The following JAK1 variants were observed in gnomAD, a reference collection of about 807,000 sequenced individuals.
JAK1 encodes the protein Janus kinase 1, also known as tyrosine-protein kinase JAK1.
Under a neutral mutation model 136.6 loss-of-function variants are expected in JAK1, and 16 were observed. The ratio of observed to expected loss-of-function variants is 0.12; its 90% CI spans 0.08 to 0.18. The LOEUF (loss-of-function observed/expected upper bound fraction) is 0.18, where lower values mean the gene tolerates loss of function less well. Among genes scored for constraint, JAK1 ranks in the 10% least tolerant of loss-of-function variants. JAK1 has a pLI of 1.00. For synonymous variants in JAK1, 492 were observed against 519.5 expected (o/e 0.95, Z 0.72); for missense variants, 859 against 1,450.1 (o/e 0.59, Z 6.62).
chr1:64,944,646 G>T (rs1232594856), intron 1 of JAK1, among the ~76,000 whole-genome samples: 2 of 151,942 alleles, frequency 1.3e-5, no homozygotes, highest in Non-Finnish European at 2.9e-5. Context: ...GGGGGCAGGG[G>T]TATATCACTA....
rs560281905 is a variant in JAK1, at chr1:64,910,338, C to CA, written c.-77-23998dup. On this transcript the variant is annotated intron_variant, in intron 1 of 24. Transcript: ENST00000342505. ...ATTTGGCTTTGAGTTTCCTAGGGGT[C>CA]AAAAAAAAAGCAGGGGAGAAACATG... Among the ~76,000 whole-genome samples the CA allele has an allele frequency of 8.6e-4, 127 of 147,842 alleles. No homozygotes were observed. The Middle Eastern group carries it at 0.038, about 44-fold the overall frequency.
intron 2 of JAK1, among the ~76,000 whole-genome samples, chr1:65,008,405 T>A (rs1646820824): frequency 6.6e-6 from 1 of 152,202 alleles, no homozygotes; most frequent in Admixed American, 6.5e-5. Flanking sequence ...AATTCCTGAA[T>A]GTCAAACTAA....
chr1:65,029,865 G>A (rs1281067785), intron 2 of JAK1, among the ~76,000 whole-genome samples: 1 of 152,012 alleles, frequency 6.6e-6, no homozygotes, highest in East Asian at 1.9e-4. Context: ...TTAAGAGTGT[G>A]TAATGAAATA....
chr1:64,970,412 G>A (rs1316439749), upstream of JAK1, among the ~76,000 whole-genome samples: 3 of 151,842 alleles, frequency 2.0e-5, no homozygotes, highest in African/African-American at 7.3e-5. Context: ...CTGCACTCCA[G>A]CCTGGGCAAC....
intron 4 of JAK1, among the ~76,000 whole-genome samples, chr1:64,876,788 G>A (rs9662231): frequency 1.3e-4 from 20 of 152,002 alleles, no homozygotes; most frequent in African/African-American, 2.9e-4. Context: ...TCAAAATGAC[G>A]TGGAGGAACA....
chr1:64,843,660 T>C (rs1402320769), intron 17 of JAK1, among the ~76,000 whole-genome samples: 2 of 152,214 alleles, frequency 1.3e-5, no homozygotes. Context: ...TCTTATTTTA[T>C]AGTGAACCTC....
intron 1 of JAK1, among the ~76,000 whole-genome samples, chr1:64,941,100 G>A (rs918523714): frequency 6.6e-6 from 1 of 152,210 alleles, no homozygotes; most frequent in African/African-American, 2.4e-5. Context: ...CAAGGCAGGG[G>A]TTGCAGTGAG....
chr1:64,847,130 A>G (rs10789166), intron 13 of JAK1, among the ~76,000 whole-genome samples: 33,576 of 152,146 alleles, frequency 0.22, 4,459 homozygotes, highest in African/African-American at 0.37. Flanking sequence ...TGACTGTGTC[A>G]CTCTAATAGT....
chr1:64,935,955 G>A (rs1557705832), intron 1 of JAK1, among the ~76,000 whole-genome samples: 1 of 152,062 alleles, frequency 6.6e-6, no homozygotes, highest in Non-Finnish European at 1.5e-5. Flanking sequence ...CAACACCTAG[G>A]ACAGCTGCCC....
intron 2 of JAK1, chr1:64,985,054 G>A: frequency 2.3e-6 from 2 of 873,368 alleles, no homozygotes; most frequent in South Asian, 1.3e-5. Context: ...ACAGACATGA[G>A]GATGGAACAA....
At chr1:65,021,564 G>C (rs1400456314) in intron 2 of JAK1, among the ~76,000 whole-genome samples, 2 of 152,128 alleles carry the variant, frequency 1.3e-5, no homozygotes, top group African/African-American at 4.8e-5. Context: ...TTATTGGGTG[G>C]CTGCACTTTT....
intron 8 of JAK1, among the ~76,000 whole-genome samples, chr1:64,860,515 G>A (rs1333593841): frequency 1.0e-4 from 15 of 150,214 alleles, no homozygotes; most frequent in Admixed American, 9.9e-4. Flanking sequence ...GTGCAGTGGT[G>A]AGATCTCGGC....
chr1:64,903,439 A>C (rs1645142417), intron 1 of JAK1, among the ~76,000 whole-genome samples: 1 of 152,192 alleles, frequency 6.6e-6, no homozygotes, highest in Non-Finnish European at 1.5e-5. Flanking sequence ...GCAGGGACAC[A>C]ATGAAGACTG....
At chr1:64,837,810 A>G (rs1169038252) in intron 22 of JAK1, 122 bp downstream of exon 22, 1 of 738,158 alleles carries the variant, frequency 1.4e-6, no homozygotes, top group Non-Finnish European at 2.1e-6. Context: ...AATGTTCTAA[A>G]CCTTCTCTAA....
intron 1 of JAK1, among the ~76,000 whole-genome samples, chr1:64,894,223 A>G (rs189966864): frequency 2.0e-5 from 3 of 152,274 alleles, no homozygotes; most frequent in Non-Finnish European, 2.9e-5. Context: ...CCACCTCTGT[A>G]TGTTTGCACC....
chr1:64,847,618 A>G lies in JAK1; in HGVS notation c.1813T>C (p.Tyr605His). 1 of 1,614,124 alleles carries G rather than the reference A, an allele frequency of 6.2e-7. No homozygotes were observed. The highest frequency in any genetic ancestry group is 1.3e-5 in the African/African-American group (1 of 75,034). The change falls in exon 13 of 25, where the codon TAC (tyrosine) becomes CAC (histidine). Residue 605 changes from tyrosine to histidine, a missense_variant. Around this residue, in one of 4 missense-constraint regions of JAK1, gnomAD observed 409 missense variants for 753.8 expected, o/e 0.54. Transcript: ENST00000342505. ...THIYSGTLMD[Y>H]KDDEGTSEEK... ...TCAGAAGTTCCTTCGTCATCCTTGT[A>G]ATCCATCAGGGTCCCAGAATAGATG... is the stretch of plus-strand genomic sequence containing the variant.
chr1:64,878,527 A>G (rs1034515067), intron 4 of JAK1, among the ~76,000 whole-genome samples: 1 of 144,446 alleles, frequency 6.9e-6, no homozygotes, highest in Admixed American at 7.0e-5. Flanking sequence ...AGTAAGAAAA[A>G]TATTTTATAT....
chr1:64,857,823 C>A, intron 9 of JAK1, 44 bp from the exon 10 acceptor site: 2 of 1,610,250 alleles, frequency 1.2e-6, no homozygotes, highest in Non-Finnish European at 1.7e-6. Flanking sequence ...TCACACCAAA[C>A]AGGACTTTGA....
At chr1:65,037,334 G>T (rs753130619) in intron 2 of JAK1, among the ~76,000 whole-genome samples, 5 of 152,038 alleles carry the variant, frequency 3.3e-5, no homozygotes, top group Non-Finnish European at 5.9e-5. Flanking sequence ...AGAGATGGGG[G>T]GGGTCTCATT....
Sources: allele counts gnomAD v4.1 joint callset (sites outside exome capture counted in the v4.1 genomes callset), GRCh38; gene constraint gnomAD v4.1.1; regional missense constraint gnomAD v4.1.1; transcripts MANE v1.5; gene names NCBI Gene and HGNC (gene_info 2026-07-23, HGNC 2026-07-21).